The following PHACTR3 variants were observed in gnomAD, a reference collection of about 807,000 sequenced individuals.
PHACTR3 encodes the protein protein phosphatase 1, regulatory subunit 123.
PHACTR3 carries 16 observed loss-of-function variants against 66.8 expected under a neutral mutation model. That is an observed-to-expected ratio of 0.24 (90% confidence interval 0.16 to 0.36). The LOEUF is 0.36. PHACTR3 is among the 10% of genes least tolerant of loss of function. The pLI, the probability that PHACTR3 is intolerant of heterozygous loss-of-function variation, is 1.00. For synonymous variants in PHACTR3, 323 were observed against 292.1 expected (o/e 1.11, Z -1.08); for missense variants, 647 against 719.9 (o/e 0.90, Z 1.16).
rs751356119 is a variant in PHACTR3 at position 59,613,173 on chromosome 20, A to T, written c.118+8041A>T. ...ATGATTTTTAAATATTGACAAGTTT[A>T]TCTATTAGGGATTGGGTTGACTTTA... On this transcript the variant is annotated intron_variant, in intron 1 of 12. Coordinates refer to ENST00000371015, the MANE Select transcript of PHACTR3 (RefSeq NM_080672.5). 6.7e-4 allele frequency among the ~76,000 whole-genome samples: 102 copies of T among 152,330 alleles called. 3 individuals carry two copies. Among genetic ancestry groups the T allele is most frequent in the Non-Finnish European group, 3.4e-4 (23 of 68,042 alleles).
chr20:59,701,796 T>C (rs2037515397), intron 1 of PHACTR3, among the ~76,000 whole-genome samples: 1 of 152,240 alleles, frequency 6.6e-6, no homozygotes, highest in African/African-American at 2.4e-5. Context: ...TTTTGACAAA[T>C]GCATAATGGA....
At chr20:59,584,449 C>T (rs1219191445) in intron 1 of PHACTR3, among the ~76,000 whole-genome samples, 2 of 151,748 alleles carry the variant, frequency 1.3e-5, no homozygotes, top group East Asian at 3.9e-4. Context: ...TGAAGCCGTG[C>T]AGGAGTGTGT....
intron 7 of PHACTR3, among the ~76,000 whole-genome samples, chr20:59,786,819 G>A (rs533294224): frequency 2.0e-5 from 3 of 152,172 alleles, no homozygotes; most frequent in Non-Finnish European, 4.4e-5. Flanking sequence ...CTTTTTCTGT[G>A]CAGTTGACGG....
chr20:59,670,611 G>GGA (rs1555810023), intron 1 of PHACTR3, among the ~76,000 whole-genome samples: 1 of 136,604 alleles, frequency 7.3e-6, no homozygotes, highest in Admixed American at 7.3e-5. Flanking sequence ...GGGGTGGGGG[G>GGA]GGGGGGCAGG....
intron 7 of PHACTR3, among the ~76,000 whole-genome samples, chr20:59,779,040 G>A (rs2040633608): frequency 6.6e-6 from 1 of 152,180 alleles, no homozygotes; most frequent in African/African-American, 2.4e-5. Context: ...TCCTCCATGG[G>A]CCTTTTGTGG....
chr20:59,723,586 G>A (rs2038431752), intron 1 of PHACTR3, among the ~76,000 whole-genome samples: 1 of 152,076 alleles, frequency 6.6e-6, no homozygotes, highest in Admixed American at 6.5e-5. Flanking sequence ...ATTTTTGTGT[G>A]GACACCTGTT....
intron 4 of PHACTR3, among the ~76,000 whole-genome samples, chr20:59,756,657 C>T (rs2039805463): frequency 6.6e-6 from 1 of 151,820 alleles, no homozygotes; most frequent in Non-Finnish European, 1.5e-5. Context: ...AGGCATCTGA[C>T]TTTGGGGCTG....
At chr20:59,813,103 G>A (rs946136815) in intron 8 of PHACTR3, among the ~76,000 whole-genome samples, 2 of 152,188 alleles carry the variant, frequency 1.3e-5, no homozygotes, top group African/African-American at 2.4e-5. Flanking sequence ...TATGGTCCAC[G>A]TTCACTGGGC....
At chr20:59,717,706 A>G (rs111226315) in intron 1 of PHACTR3, among the ~76,000 whole-genome samples, 1 of 152,158 alleles carries the variant, frequency 6.6e-6, no homozygotes, top group Non-Finnish European at 1.5e-5. Flanking sequence ...GAGATCTCTA[A>G]AGAAGAAAAC....
At chr20:59,617,539 C>G (rs1246015058) in intron 1 of PHACTR3, among the ~76,000 whole-genome samples, 2 of 151,490 alleles carry the variant, frequency 1.3e-5, no homozygotes, top group African/African-American at 4.8e-5. Context: ...AAGAGGGATT[C>G]CAGTCATTTT....
In PHACTR3 at chr20:59,721,909, G is replaced by A. The variant is rs924577922; in HGVS notation, c.119-21198G>A. Among the ~76,000 whole-genome samples, 8 of 151,184 alleles carry A rather than the reference G, an allele frequency of 5.3e-5. No individual in the cohort carries two copies. The East Asian group carries it at 7.7e-4, about 15-fold the overall frequency. ...AAAGAAAAGAAATACACAAGACGAC[G>A]TCAAAGAGTGACAAGTGGCCCAAAG... On this transcript the variant is annotated intron_variant, in intron 1 of 12. Coordinates refer to ENST00000371015, the MANE Select transcript of PHACTR3 (RefSeq NM_080672.5).
intron 3 of PHACTR3, among the ~76,000 whole-genome samples, chr20:59,752,710 G>A (rs1201559406): frequency 6.6e-6 from 1 of 150,876 alleles, no homozygotes; most frequent in African/African-American, 2.4e-5. Flanking sequence ...TGATGATTTT[G>A]ATGATGACGA....
Position 59,806,147 on chromosome 20 carries a change from T to G in PHACTR3, c.1281T>G (p.Asp427Glu), listed in dbSNP as rs2041562184. ...EDRNIFPRRT[D>E]EERQEIRQQI... ...GGAACATTTTCCCCAGAAGGACTGA[T>G]GAAGAAAGACAGGAGATCCGGCAGC... is the stretch of plus-strand genomic sequence containing the variant. The change falls in exon 8 of 13, where the codon GAT becomes GAG. Residue 427 changes from aspartate (D) to glutamate (E), a missense_variant. Physicochemically the swap from Asp to Glu is conservative, Grantham distance 45. This residue lies in a region of PHACTR3 where 577 missense variants were observed against 571.1 expected (regional missense o/e 1.01). Coordinates refer to ENST00000371015, the MANE Select transcript of PHACTR3 (RefSeq NM_080672.5). 2.5e-6 allele frequency: 4 copies of G among 1,614,052 alleles called. No homozygotes were observed. Among genetic ancestry groups the G allele is most frequent in the Non-Finnish European group, 3.4e-6 (4 of 1,180,024 alleles).
rs760350850 is a variant in PHACTR3, at chr20:59,823,016, C to T, written c.1329-13489C>T. Among the ~76,000 whole-genome samples the T allele has an allele frequency of 5.1e-4, 77 of 152,188 alleles. 1 individual carries two copies. The highest frequency in any genetic ancestry group is 6.9e-4 in the Non-Finnish European group (47 of 68,032). On this transcript the variant is annotated intron_variant, in intron 8 of 12. Transcript: ENST00000371015. ...AATGCTCAGCGTCCAAGGAGGAAAG[C>T]GGAAGGAGCTGGAGGGCAAGGCAGG...
At chr20:59,590,835 A>C (rs1036022806) in intron 1 of PHACTR3, among the ~76,000 whole-genome samples, 4 of 152,040 alleles carry the variant, frequency 2.6e-5, no homozygotes, top group African/African-American at 9.7e-5. Context: ...TCACAAGCAA[A>C]AGGTGTGCAC....
intron 1 of PHACTR3, among the ~76,000 whole-genome samples, chr20:59,690,938 T>C (rs2146578729): frequency 6.6e-6 from 1 of 152,316 alleles, no homozygotes; most frequent in East Asian, 1.9e-4. Context: ...TAACACAGTA[T>C]TGAGGGCCAT....
At chr20:59,779,043 T>G (rs1367600675) in intron 7 of PHACTR3, among the ~76,000 whole-genome samples, 1 of 152,218 alleles carries the variant, frequency 6.6e-6, no homozygotes, top group Admixed American at 6.5e-5. Context: ...TCCATGGGCC[T>G]TTTGTGGGCC....
At chr20:59,588,128 G>C (rs2033089065) in intron 1 of PHACTR3, among the ~76,000 whole-genome samples, 1 of 152,220 alleles carries the variant, frequency 6.6e-6, no homozygotes, top group South Asian at 2.1e-4. Flanking sequence ...CTGTGGGTAA[G>C]TGGCTGAGGG....
intron 1 of PHACTR3, among the ~76,000 whole-genome samples, chr20:59,706,186 C>T (rs2146628431): frequency 6.6e-6 from 1 of 152,300 alleles, no homozygotes; most frequent in South Asian, 2.1e-4. Flanking sequence ...CAAACTTTTC[C>T]CATACTGGCC....
Sources: allele counts gnomAD v4.1 joint callset (sites outside exome capture counted in the v4.1 genomes callset), GRCh38; gene constraint gnomAD v4.1.1; regional missense constraint gnomAD v4.1.1; transcripts MANE v1.5; gene names NCBI Gene and HGNC (gene_info 2026-07-23, HGNC 2026-07-21).